Variants in BTBD8 observed in about 807,000 individuals in gnomAD.
BTBD8 encodes the protein BTB domain containing 8, also known as BTB/POZ domain-containing protein 8.
BTBD8 carries 110 observed loss-of-function variants against 162.9 expected under a neutral mutation model. The observed-to-expected ratio is 0.68, with a 90% CI of 0.58 to 0.79. BTBD8 has a LOEUF of 0.79. Among genes scored for constraint, BTBD8 ranks in the 30% least tolerant of loss-of-function variants. The probability of loss-of-function intolerance (pLI) is 0.00; values close to 1 mark genes in which losing one functional copy is unlikely to be tolerated. For synonymous variants in BTBD8, 667 were observed against 716.1 expected (o/e 0.93, Z 1.10); for missense variants, 1,905 against 2,085.4 (o/e 0.91, Z 1.68).
At chr1:92,144,798 CA>C (rs58803678) in intron 7 of BTBD8, among the ~76,000 whole-genome samples, 9 of 109,472 alleles carry the variant, frequency 8.2e-5, no homozygotes, top group South Asian at 3.2e-4. Flanking sequence ...GTGACAGAGC[CA>C]AAAAAAAAAC....
chr1:92,179,904 G>A (rs1650834286), intron 16 of BTBD8, among the ~76,000 whole-genome samples: 1 of 151,946 alleles, frequency 6.6e-6, no homozygotes, highest in Non-Finnish European at 1.5e-5. Flanking sequence ...ACTTCAAAGG[G>A]AAGACCTTTC....
At chr1:92,173,691 A>G (rs191427274) in intron 13 of BTBD8, among the ~76,000 whole-genome samples, 3 of 152,340 alleles carry the variant, frequency 2.0e-5, no homozygotes, top group African/African-American at 7.2e-5. Context: ...AAATCAAAAG[A>G]GTTCAAATTT....
chr1:92,153,791 A>C (rs1650098226), intron 9 of BTBD8, among the ~76,000 whole-genome samples: 2 of 152,152 alleles, frequency 1.3e-5, no homozygotes, highest in African/African-American at 4.8e-5. Flanking sequence ...CATGTTGGCT[A>C]TTGTAAATAG....
intron 9 of BTBD8, among the ~76,000 whole-genome samples, chr1:92,154,705 G>T (rs1650119996): frequency 6.6e-6 from 1 of 152,076 alleles, no homozygotes; most frequent in Non-Finnish European, 1.5e-5. Context: ...TGTATGGTTT[G>T]CAGTATTTTT....
At chr1:92,155,850 A>C (rs930327483) in intron 9 of BTBD8, among the ~76,000 whole-genome samples, 1 of 152,130 alleles carries the variant, frequency 6.6e-6, no homozygotes, top group Non-Finnish European at 1.5e-5. Context: ...AGAGTTTGCT[A>C]TATATAAGAT....
chr1:92,108,110 A>G, intron 4 of BTBD8, 109 bp downstream of exon 4: 1 of 1,055,878 alleles, frequency 9.5e-7, no homozygotes, highest in Admixed American at 1.9e-5. Context: ...CACACAGGCC[A>G]CAGGGGTTCC....
chr1:92,155,790 A>G (rs1160819086), intron 9 of BTBD8, among the ~76,000 whole-genome samples: 1 of 152,164 alleles, frequency 6.6e-6, no homozygotes, highest in Non-Finnish European at 1.5e-5. Flanking sequence ...TTCATTTTGT[A>G]GCTTTCATCT....
intron 4 of BTBD8, among the ~76,000 whole-genome samples, chr1:92,109,365 C>G (rs2101908929): frequency 1.3e-5 from 2 of 151,994 alleles, no homozygotes; most frequent in South Asian, 4.1e-4. Flanking sequence ...AGCCCTATAG[C>G]TATTGCTGTC....
In BTBD8 at chr1:92,167,854, G is replaced by A; in HGVS notation, c.1312G>A (p.Ala438Thr). 1 of 1,548,480 alleles carries A rather than the reference G, an allele frequency of 6.5e-7. No homozygotes were observed. Among genetic ancestry groups the A allele is most frequent in the South Asian group, 1.2e-5 (1 of 83,554 alleles). Residue 438 changes from alanine (A) to threonine (T), a missense_variant, in exon 11 of 18, where the codon GCA becomes ACA. This residue lies in a region of BTBD8 where 1,374 missense variants were observed against 1,442.7 expected (regional missense o/e 0.95). Transcript: ENST00000636805. ...TAATTTCTGTGTTTTATAGTCACAA[G>A]CAATGAGCAGCACAGCCGATCTGTT... Reference protein sequence around the residue: ...ENFALLLQSQAMSSTADLLDT... With the variant: ...ENFALLLQSQTMSSTADLLDT...
Position 92,174,966 on chromosome 1 carries a change from A to C in BTBD8, c.1636-1863A>C, listed in dbSNP as rs1401978944. Among the ~76,000 whole-genome samples, 11 of 152,194 alleles carry C rather than the reference A, an allele frequency of 7.2e-5. No individual in the cohort carries two copies. The East Asian group carries it at 2.1e-3, about 29-fold the overall frequency. ...CTTTTAATGTAATTGGAAGCTTTTC[A>C]TATTTAAAAATAGACCTTAAACTGC... On this transcript the variant is annotated intron_variant, in intron 13 of 17. Transcript: ENST00000636805.
Position 92,177,051 on chromosome 1 carries a change from A to G in BTBD8, c.1858A>G (p.Thr620Ala). The G allele has an allele frequency of 1.3e-6, 2 of 1,550,972 alleles. No individual in the cohort carries two copies. Among genetic ancestry groups the G allele is most frequent in the Non-Finnish European group, 1.7e-6 (2 of 1,146,674 alleles). The change falls in exon 14 of 18, where the codon ACA (threonine) becomes GCA (alanine). Residue 620 changes from threonine (T) to alanine (A), a missense_variant. Around this residue, in one of 3 missense-constraint regions of BTBD8, gnomAD observed 1,374 missense variants for 1,442.7 expected, o/e 0.95. Coordinates refer to ENST00000636805, the MANE Select transcript of BTBD8 (RefSeq NM_001376131.1). Reference protein sequence around the residue: ...KDGTKIASKITKELKTGGKNV... With the variant: ...KDGTKIASKIAKELKTGGKNV... ...TGGTACAAAAATAGCATCTAAGATT[A>G]CAAAAGAACTAAAAACTGGGGGAAA...
At chr1:92,164,003 G>T (rs1320994596) in intron 9 of BTBD8, among the ~76,000 whole-genome samples, 1 of 152,076 alleles carries the variant, frequency 6.6e-6, no homozygotes, top group East Asian at 1.9e-4. Context: ...CTTACATTTG[G>T]CTTCCCTACC....
In BTBD8 at chr1:92,158,558, C is replaced by T. The variant is rs148504121; in HGVS notation, c.1123-8400C>T. 1.8e-3 allele frequency among the ~76,000 whole-genome samples: 279 copies of T among 152,132 alleles called. 3 individuals are homozygous for T. The highest frequency in any genetic ancestry group is 6.0e-3 in the African/African-American group (250 of 41,502). The stretch of plus-strand genomic sequence containing the variant: ...TTTATATCTACCTATAGTACATATT[C>T]GTTAATATACTCTTTAGTTATAGTT... On this transcript the variant is annotated intron_variant, in intron 9 of 17. Coordinates refer to ENST00000636805, the MANE Select transcript of BTBD8 (RefSeq NM_001376131.1).
intron 2 of BTBD8, among the ~76,000 whole-genome samples, chr1:92,093,579 C>T (rs1274639890): frequency 6.6e-6 from 1 of 152,156 alleles, no homozygotes; most frequent in African/African-American, 2.4e-5. Context: ...GAAGCCAGTT[C>T]TACCACTTCT....
At chr1:92,126,001 T>C in intron 4 of BTBD8, 1 of 464,656 alleles carries the variant, frequency 2.2e-6, no homozygotes, top group East Asian at 5.3e-5. Flanking sequence ...TGGTAGTGTA[T>C]CAACCGAGGC....
rs775157570 is a variant in BTBD8 at position 92,080,614 on chromosome 1, C to G, written c.43C>G (p.Leu15Val). Residue 15 changes from leucine (L) to valine (V), a missense_variant, in exon 1 of 18, where the codon CTG becomes GTG. By Grantham distance (32) the Leu-to-Val change is conservative. Coordinates refer to ENST00000636805, the MANE Select transcript of BTBD8 (RefSeq NM_001376131.1). ...AGGCAGTGCGGCCCCCATGGTACTT[C>G]TGGGGTCCGCTGGAGTTTGCAGTAA... The part of the protein sequence containing the change: ...GEGSAAPMVL[L>V]GSAGVCSKGL... 2 of 1,613,898 alleles carry G rather than the reference C, an allele frequency of 1.2e-6. No individual in the cohort carries two copies. Among genetic ancestry groups the G allele is most frequent in the African/African-American group, 2.7e-5 (2 of 74,926 alleles).
At chr1:92,178,018 ATAT>A in intron 15 of BTBD8, 120 bp downstream of exon 15, 1 of 586,310 alleles carries the variant, frequency 1.7e-6, no homozygotes, top group Non-Finnish European at 2.9e-6. Context: ...TATTTACATA[ATAT>A]TTTAACACAG....
chr1:92,109,780 A>G (rs577400602), intron 4 of BTBD8, among the ~76,000 whole-genome samples: 37 of 152,310 alleles, frequency 2.4e-4, no homozygotes, highest in African/African-American at 7.9e-4. Context: ...CTAAAGCCCA[A>G]CATTGGAACT....
rs759239946 is a variant in BTBD8 at position 92,080,557 on chromosome 1, G to T, written c.-15G>T. Reference sequence around the variant, plus strand: ...CCAAGTACTGGGCCTCCAGGGCGTCGTACCTCTGTGAGACATGGCTCGCTG... The same window carrying T: ...CCAAGTACTGGGCCTCCAGGGCGTCTTACCTCTGTGAGACATGGCTCGCTG... On this transcript the variant is annotated 5_prime_UTR_variant, in exon 1 of 18. Transcript: ENST00000636805. 3.1e-6 allele frequency: 5 copies of T among 1,612,950 alleles called. No homozygotes were observed. The highest frequency in any genetic ancestry group is 4.2e-6 in the Non-Finnish European group (5 of 1,179,616).
Sources: allele counts gnomAD v4.1 joint callset (sites outside exome capture counted in the v4.1 genomes callset), GRCh38; gene constraint gnomAD v4.1.1; regional missense constraint gnomAD v4.1.1; transcripts MANE v1.5; gene names NCBI Gene and HGNC (gene_info 2026-07-23, HGNC 2026-07-21).